TPCN2: variants seen among roughly 807,000 people sequenced by gnomAD.
TPCN2 encodes the protein two pore channel protein 2.
In TPCN2, 92 loss-of-function variants were observed where a neutral mutation model predicts 111.4. The observed-to-expected ratio is 0.83, with a 90% CI of 0.70 to 0.98. TPCN2 has a LOEUF of 0.98. TPCN2 is among the 50% of genes least tolerant of loss of function. The probability of loss-of-function intolerance (pLI) is 0.00; values close to 1 mark genes in which losing one functional copy is unlikely to be tolerated. For missense variants in TPCN2, 995 were observed against 980.1 expected, an observed-to-expected ratio of 1.02 and a Z score of -0.20; for synonymous variants, 405 against 414.5, an observed-to-expected ratio of 0.98 and a Z score of 0.28.
intron 4 of TPCN2, among the ~76,000 whole-genome samples, 159 bp from the exon 5 acceptor site, chr11:69,057,419 G>T (rs116612690): frequency 6.6e-6 from 1 of 152,244 alleles, no homozygotes; most frequent in East Asian, 1.9e-4. Flanking sequence ...GCGGGAGCTC[G>T]GGCCTCCTGA....
intron 13 of TPCN2, among the ~76,000 whole-genome samples, chr11:69,073,235 A>G (rs1855615431): frequency 6.6e-6 from 1 of 152,198 alleles, no homozygotes; most frequent in Non-Finnish European, 1.5e-5. Context: ...GACATGAAGG[A>G]GTCTTCCAAA....
chr11:69,086,707 G>C (rs1856291081), intron 23 of TPCN2, 103 bp downstream of exon 23: 1 of 1,123,206 alleles, frequency 8.9e-7, no homozygotes. Context: ...AACTTTGATG[G>C]GAGAGTCGTG....
intron 13 of TPCN2, among the ~76,000 whole-genome samples, chr11:69,075,236 A>G (rs7110274): frequency 0.14 from 20,628 of 152,182 alleles, 1,968 homozygotes; most frequent in South Asian, 0.21. Context: ...TCTTTCCTCA[A>G]TAATGCTGAC....
chr11:69,060,276 T>A (rs978923663), intron 5 of TPCN2, among the ~76,000 whole-genome samples: 1 of 152,220 alleles, frequency 6.6e-6, no homozygotes, highest in Non-Finnish European at 1.5e-5. Flanking sequence ...GCTTTCTTGA[T>A]GGAGGCTGAA....
At chr11:69,059,799 A>T (rs1391090861) in intron 5 of TPCN2, among the ~76,000 whole-genome samples, 1 of 152,002 alleles carries the variant, frequency 6.6e-6, no homozygotes, top group Non-Finnish European at 1.5e-5. Context: ...AGGACAGATG[A>T]GCGATGGTTG....
At position 69,081,515 on chromosome 11, in the gene TPCN2, A is replaced by G; in HGVS notation, c.1689+16A>G. 1 of 1,516,680 alleles carries G rather than the reference A, an allele frequency of 6.6e-7. No individual in the cohort carries two copies. The highest frequency in any genetic ancestry group is 8.9e-7 in the Non-Finnish European group (1 of 1,123,838). 94.0% of individuals were successfully genotyped at this position (1,516,680 alleles called of 1,614,324 possible). On this transcript the variant is annotated intron_variant, in intron 18 of 24. Transcript: ENST00000294309. ...CAGCATGAAGGTGTGTGCCGGCCCC[A>G]CCCCCACTCGCCCCACCCTCCTGGG...
At chr11:69,070,370 G>A in intron 8 of TPCN2, 60 bp from the exon 9 acceptor site, 1 of 1,334,576 alleles carries the variant, frequency 7.5e-7, no homozygotes, top group South Asian at 1.2e-5. Context: ...TGTAGCGTCA[G>A]GATGGGAGTG....
intron 1 of TPCN2, 129 bp from the exon 2 acceptor site, chr11:69,053,904 G>A: frequency 2.6e-6 from 2 of 757,130 alleles, no homozygotes; most frequent in South Asian, 3.4e-5. Context: ...CCACTGCCGG[G>A]TGGAGTCATC....
chr11:69,058,742 C>T (rs1854885711), intron 5 of TPCN2, among the ~76,000 whole-genome samples: 1 of 152,220 alleles, frequency 6.6e-6, no homozygotes, highest in African/African-American at 2.4e-5. Flanking sequence ...TGGCCACCTC[C>T]TTCCTGTCTC....
At chr11:69,061,555 C>T (rs1478853211) in intron 5 of TPCN2, among the ~76,000 whole-genome samples, 2 of 152,126 alleles carry the variant, frequency 1.3e-5, no homozygotes, top group Admixed American at 6.5e-5. Context: ...GGGCAGGGTG[C>T]CCAGCACAGG....
chr11:69,079,761 TATA>T lies in TPCN2; in HGVS notation c.1540-67_1540-65del, dbSNP rs1855929050. 7 of 1,426,368 alleles carry T rather than the reference TATA, an allele frequency of 4.9e-6. No homozygotes were observed. In the Admixed American group the frequency reaches 1.1e-4, roughly 22 times the overall value. The allele number at this position is 1,426,368 out of a possible 1,614,324, so 88.4% of individuals were successfully genotyped here. A position where few individuals can be genotyped will look rare whatever the true frequency, so the allele number is the denominator to read the frequency against. On this transcript the variant is annotated intron_variant, in intron 16 of 24. Transcript: ENST00000294309. ...GGGAGAATGTGTTAGAGATGAGCTT[TATA>T]ATAATTCCTTTAAGGGCCGCCCAGA...
At chr11:69,085,474 G>C (rs1856231908) in intron 20 of TPCN2, among the ~76,000 whole-genome samples, 188 bp downstream of exon 20, 1 of 151,786 alleles carries the variant, frequency 6.6e-6, no homozygotes, top group Non-Finnish European at 1.5e-5. Flanking sequence ...CCTCTCCTAG[G>C]AGCCCTTGCC....
chr11:69,065,495 G>C (rs772110396), intron 7 of TPCN2, among the ~76,000 whole-genome samples: 1 of 152,224 alleles, frequency 6.6e-6, no homozygotes, highest in Non-Finnish European at 1.5e-5. Flanking sequence ...GTGCGTGCTT[G>C]TCGTGGTCTT....
chr11:69,086,002 G>T lies in TPCN2; in HGVS notation c.2003+72G>T, dbSNP rs1472175084. ...GGGTTCCCTCACCTCCGGGCACGCT[G>T]CATCTGCACTGGACGCCCGGAGCGT... is the stretch of plus-strand genomic sequence containing the variant. On this transcript the variant is annotated intron_variant, in intron 22 of 24. Transcript: ENST00000294309. The T allele has an allele frequency of 3.4e-6, 5 of 1,449,572 alleles. No individual in the cohort carries two copies. In the African/African-American group the frequency reaches 7.0e-5, roughly 20 times the overall value. 89.8% of individuals were successfully genotyped at this position (1,449,572 alleles called of 1,614,324 possible). A position where few individuals can be genotyped will look rare whatever the true frequency, so the allele number is the denominator to read the frequency against.
intron 5 of TPCN2, among the ~76,000 whole-genome samples, chr11:69,059,769 G>T (rs1854936766): frequency 6.6e-6 from 1 of 152,252 alleles, no homozygotes; most frequent in Non-Finnish European, 1.5e-5. Context: ...TTCATAACCT[G>T]CATGCCTGTC....
At chr11:69,085,450 A>G (rs1220475283) in intron 20 of TPCN2, among the ~76,000 whole-genome samples, 164 bp downstream of exon 20, 1 of 143,038 alleles carries the variant, frequency 7.0e-6, no homozygotes, top group Non-Finnish European at 1.5e-5. Context: ...CCCAATTTCC[A>G]CCTCCGCTCC....
At chr11:69,071,806 G>GCC (rs990014297) in intron 10 of TPCN2, 117 bp from the exon 11 acceptor site, 38 of 852,898 alleles carry the variant, frequency 4.5e-5, no homozygotes, top group South Asian at 6.8e-5. Flanking sequence ...GGGGAACTGG[G>GCC]CCCCCCCCCA....
intron 5 of TPCN2, 44 bp from the exon 6 acceptor site, chr11:69,062,840 A>G: frequency 6.3e-7 from 1 of 1,584,622 alleles, no homozygotes; most frequent in Admixed American, 1.7e-5. Flanking sequence ...GAGGGGTAGA[A>G]CTAAGCACTT....
In TPCN2 at chr11:69,058,132, G is replaced by A. The variant is rs527977160; in HGVS notation, c.546+438G>A. ...CCGGCCACACTCAGCCCTTTCCACCGCAGTGCCTTGGTTTCCCCTCAGAGC... is the reference window on the plus strand; with the variant it reads ...CCGGCCACACTCAGCCCTTTCCACCACAGTGCCTTGGTTTCCCCTCAGAGC... On this transcript the variant is annotated intron_variant, in intron 5 of 24. Transcript: ENST00000294309. 6.6e-5 allele frequency among the ~76,000 whole-genome samples: 10 copies of A among 152,288 alleles called. No individual in the cohort carries two copies. The East Asian group carries it at 1.2e-3, about 18-fold the overall frequency.
Sources: allele counts gnomAD v4.1 joint callset (sites outside exome capture counted in the v4.1 genomes callset), GRCh38; gene constraint gnomAD v4.1.1; transcripts MANE v1.5; gene names NCBI Gene and HGNC (gene_info 2026-07-23, HGNC 2026-07-21).